MYO5B: variants seen among roughly 807,000 people sequenced by gnomAD.
MYO5B encodes myosin VB, also known as unconventional myosin-Vb.
In MYO5B, 143 loss-of-function variants were observed where a neutral mutation model predicts 229.3. That is an observed-to-expected ratio of 0.62 (90% CI 0.54 to 0.72). The LOEUF (loss-of-function observed/expected upper bound fraction) is 0.72. MYO5B is among the 30% of genes least tolerant of loss of function. The probability of loss-of-function intolerance (pLI) is 0.00; values close to 1 mark genes in which losing one functional copy is unlikely to be tolerated. For missense variants in MYO5B, 2,321 were observed against 2,331.0 expected (o/e 1.00, Z 0.09); for synonymous variants, 918 against 885.2 (o/e 1.04, Z -0.66).
chr18:49,864,092 A>T, intron 28 of MYO5B, 49 bp downstream of exon 28: 1 of 1,598,020 alleles, frequency 6.3e-7, no homozygotes, highest in Non-Finnish European at 8.5e-7. Flanking sequence ...CTAATCTACC[A>T]CCTAGGGTCA....
chr18:49,929,435 C>A (rs1598889226), intron 17 of MYO5B, 77 bp downstream of exon 17: 1 of 1,217,408 alleles, frequency 8.2e-7, no homozygotes, highest in Non-Finnish European at 1.2e-6. Flanking sequence ...CGACGGTACA[C>A]AGAGGGCTCC....
At chr18:50,106,423 G>A (rs935727517) in intron 1 of MYO5B, among the ~76,000 whole-genome samples, 2 of 152,142 alleles carry the variant, frequency 1.3e-5, no homozygotes. Flanking sequence ...GTGTCAAAGG[G>A]GTCATCATCA....
At chr18:49,891,997 C>T (rs574705928) in intron 22 of MYO5B, among the ~76,000 whole-genome samples, 8 of 32 alleles carry the variant, frequency 0.25, no homozygotes, top group Non-Finnish European at 0.27. Context: ...CAGCCCTGCA[C>T]CAAGTAAGCC....
chr18:49,888,235 A>T (rs1048147949), intron 22 of MYO5B, among the ~76,000 whole-genome samples: 9 of 152,096 alleles, frequency 5.9e-5, no homozygotes, highest in African/African-American at 2.2e-4. Flanking sequence ...CCTGGCTTCT[A>T]CCCACTAGAT....
chr18:49,988,096 C>T (rs939734435), intron 7 of MYO5B, among the ~76,000 whole-genome samples: 5 of 152,202 alleles, frequency 3.3e-5, no homozygotes, highest in Admixed American at 2.0e-4. Context: ...CAGACAAATG[C>T]ACAAAACTTA....
chr18:49,938,809 C>T (rs12458210), intron 14 of MYO5B, among the ~76,000 whole-genome samples: 53,559 of 151,992 alleles, frequency 0.35, 10,541 homozygotes, highest in Middle Eastern at 0.58. Flanking sequence ...AATACCCCCA[C>T]CCCTTTCTCT....
At chr18:50,184,901 A>AAT (rs58650528) in intron 1 of MYO5B, among the ~76,000 whole-genome samples, 3,451 of 59,166 alleles carry the variant, frequency 0.058, 135 homozygotes, top group African/African-American at 0.15. Flanking sequence ...CACAGAAAAA[A>AAT]ATATATATAT....
In MYO5B at chr18:49,911,085, G is replaced by C. The variant is rs2024952482; in HGVS notation, c.2202+977C>G. Among the ~76,000 whole-genome samples the C allele has an allele frequency of 3.3e-5, 5 of 152,298 alleles. No homozygotes were observed. In the South Asian group the frequency reaches 1.0e-3, roughly 32 times the overall value. ...TTACTTAAAACAAGTATCTGGGGGA[G>C]GGCCTGAGGCTGGTGATGCAACCAG... On this transcript the variant is annotated intron_variant, in intron 18 of 39. Coordinates refer to ENST00000285039, the MANE Select transcript of MYO5B (RefSeq NM_001080467.3).
chr18:50,110,805 G>C (rs2031851929), intron 1 of MYO5B, among the ~76,000 whole-genome samples: 2 of 152,178 alleles, frequency 1.3e-5, no homozygotes, highest in African/African-American at 4.8e-5. Flanking sequence ...AGACAAGGTA[G>C]AGTATGAGTC....
In MYO5B at chr18:49,895,144, AC is replaced by A; in HGVS notation, c.2841del (p.Gln947HisfsTer4). 6.2e-7 allele frequency: 1 copy of A among 1,614,046 alleles called. No individual in the cohort carries two copies. The highest frequency in any genetic ancestry group is 8.5e-7 in the Non-Finnish European group (1 of 1,180,016). On this transcript the variant is annotated frameshift_variant, in exon 22 of 40. Coordinates refer to ENST00000285039, the MANE Select transcript of MYO5B (RefSeq NM_001080467.3). LOFTEE classifies it high-confidence loss of function. ...QNKEFKTLSE[Q>X]LSVTTSTYTM... The stretch of plus-strand genomic sequence containing the variant: ...GTGTATGTTGAGGTGGTCACGGACA[AC>A]TGCTCTGAAAGTGTCTTGAACTCTT...
chr18:50,077,869 A>G (rs572497773), intron 1 of MYO5B, among the ~76,000 whole-genome samples: 1 of 152,338 alleles, frequency 6.6e-6, no homozygotes, highest in African/African-American at 2.4e-5. Flanking sequence ...CGGTTCCTAC[A>G]TACTACAATA....
At chr18:50,149,788 G>A in intron 1 of MYO5B, among the ~76,000 whole-genome samples, 1 of 152,142 alleles carries the variant, frequency 6.6e-6, no homozygotes, top group Non-Finnish European at 1.5e-5. Flanking sequence ...AGGACTTCAT[G>A]TCTAAAACAC....
At chr18:50,122,153 G>A (rs1209507039) in intron 1 of MYO5B, among the ~76,000 whole-genome samples, 3 of 152,110 alleles carry the variant, frequency 2.0e-5, no homozygotes, top group Admixed American at 6.5e-5. Context: ...GAAAGTACCA[G>A]AACACTGGGC....
intron 22 of MYO5B, among the ~76,000 whole-genome samples, chr18:49,892,513 A>G (rs1479563906): frequency 6.6e-6 from 1 of 152,228 alleles, no homozygotes; most frequent in African/African-American, 2.4e-5. Flanking sequence ...AACATCTACT[A>G]GCAGTCGGCC....
At chr18:50,019,268 G>C (rs1015000921) in intron 4 of MYO5B, among the ~76,000 whole-genome samples, 4 of 152,154 alleles carry the variant, frequency 2.6e-5, no homozygotes, top group Non-Finnish European at 5.9e-5. Flanking sequence ...TATTTTCCTT[G>C]CAGTTTTTAT....
intron 1 of MYO5B, among the ~76,000 whole-genome samples, chr18:50,133,078 G>T (rs1568119325): frequency 1.3e-5 from 2 of 152,136 alleles, no homozygotes; most frequent in Non-Finnish European, 2.9e-5. Flanking sequence ...ATGCTGCTGA[G>T]GGCAGAATTA....
At position 50,084,805 on chromosome 18, in the gene MYO5B, C is replaced by A. The variant is rs544711507; in HGVS notation, c.28-29427G>T. ...CTTTGACAAACCTGAGAAAAACAAGCAATGGGGAAAGGATTCCCTATTTAA... is the reference window on the plus strand; with the variant it reads ...CTTTGACAAACCTGAGAAAAACAAGAAATGGGGAAAGGATTCCCTATTTAA... On this transcript the variant is annotated intron_variant, in intron 1 of 39. Transcript: ENST00000285039. Among the ~76,000 whole-genome samples the A allele has an allele frequency of 4.0e-3, 610 of 152,246 alleles. 2 individuals are homozygous for A. The highest frequency in any genetic ancestry group is 8.1e-3 in the South Asian group (39 of 4,816).
chr18:50,146,956 GC>G (rs2032513232), intron 1 of MYO5B, among the ~76,000 whole-genome samples: 1 of 152,086 alleles, frequency 6.6e-6, no homozygotes, highest in African/African-American at 2.4e-5. Flanking sequence ...ATTTTTCACT[GC>G]CCTCCAATCG....
At chr18:50,099,734 T>G (rs533656151) in intron 1 of MYO5B, among the ~76,000 whole-genome samples, 8 of 152,196 alleles carry the variant, frequency 5.3e-5, no homozygotes, top group Non-Finnish European at 1.2e-4. Flanking sequence ...CATCTTTACA[T>G]GAATTTGCAG....
Sources: allele counts gnomAD v4.1 joint callset (sites outside exome capture counted in the v4.1 genomes callset), GRCh38; gene constraint gnomAD v4.1.1; transcripts MANE v1.5; gene names NCBI Gene and HGNC (gene_info 2026-07-23, HGNC 2026-07-21).